Variants in GPR89B observed in about 807,000 individuals in gnomAD.
GPR89B encodes the protein golgi pH regulator B.
A neutral mutation model predicts 52.4 loss-of-function variants in GPR89B; 25 were observed. That is an observed-to-expected ratio of 0.48 (90% CI 0.35 to 0.67). The LOEUF (loss-of-function observed/expected upper bound fraction) is 0.67. GPR89B is among the 30% of genes least tolerant of loss of function. The pLI is 0.01. For synonymous variants in GPR89B, 52 were observed against 151.2 expected (o/e 0.34, Z 4.81); for missense variants, 146 against 450.2 (o/e 0.32, Z 6.11).
At position 147,936,264 on chromosome 1, in the gene GPR89B, G is replaced by A. The variant is rs183177771; in HGVS notation, c.43-363G>A. On this transcript the variant is annotated intron_variant, in intron 1 of 13. Transcript: ENST00000314163. ...TGGCTTCAGGTGATCTGCCCACCTT[G>A]TCCTCCCGAAGTGCTGGGATTACAA... is the stretch of plus-strand genomic sequence containing the variant. 1.4e-3 allele frequency among the ~76,000 whole-genome samples: 212 copies of A among 152,294 alleles called. 2 individuals are homozygous for A. In the Middle Eastern group the frequency reaches 0.037, roughly 27 times the overall value.
chr1:147,982,487 A>G (rs1658334806), intron 10 of GPR89B, among the ~76,000 whole-genome samples: 1 of 137,916 alleles, frequency 7.3e-6, no homozygotes, highest in African/African-American at 2.8e-5. Context: ...TAACTTTTTT[A>G]TACTGTTCCA....
At chr1:147,977,142 G>A (rs1387745699) in intron 10 of GPR89B, among the ~76,000 whole-genome samples, 1 of 147,266 alleles carries the variant, frequency 6.8e-6, no homozygotes, top group Non-Finnish European at 1.5e-5. Context: ...TCTGAGGCAG[G>A]AGAATGGCAT....
chr1:148,021,188 G>C, the GPR89B span, among the ~76,000 whole-genome samples: 1 of 151,378 alleles, frequency 6.6e-6, no homozygotes, highest in Non-Finnish European at 1.5e-5. Context: ...ACCACATCTC[G>C]CGATGGAGTG....
the GPR89B span, among the ~76,000 whole-genome samples, chr1:148,006,582 G>A: frequency 3.9e-5 from 6 of 152,092 alleles, no homozygotes; most frequent in African/African-American, 7.2e-5. Flanking sequence ...ACATACCTAC[G>A]ATAGAGTTTA....
chr1:147,931,234 GC>G (rs199796649), intron 1 of GPR89B, among the ~76,000 whole-genome samples: 2,969 of 151,968 alleles, frequency 0.02, 104 homozygotes, highest in African/African-American at 0.068. Context: ...TAACTGTCCT[GC>G]TGATGGCCAT....
At chr1:148,015,296 T>TCCCCCC in the GPR89B span, among the ~76,000 whole-genome samples, 1 of 79,968 alleles carries the variant, frequency 1.3e-5, no homozygotes, top group Non-Finnish European at 2.4e-5. Context: ...TTCTAGGATC[T>TCCCCCC]CTCTCTCTCT....
intron 7 of GPR89B, among the ~76,000 whole-genome samples, chr1:147,963,361 G>GCT (rs1656770367): frequency 6.7e-6 from 1 of 150,032 alleles, no homozygotes; most frequent in Admixed American, 6.6e-5. Context: ...GGGTGACAGA[G>GCT]CAAGACTCCT....
intron 7 of GPR89B, among the ~76,000 whole-genome samples, chr1:147,962,410 C>T (rs1480691664): frequency 6.8e-6 from 1 of 147,118 alleles, no homozygotes; most frequent in Non-Finnish European, 1.5e-5. Flanking sequence ...GGTGACAGAG[C>T]CAAACTCTGT....
intron 10 of GPR89B, among the ~76,000 whole-genome samples, chr1:147,985,475 GC>G (rs1658597914): frequency 6.7e-6 from 1 of 149,830 alleles, no homozygotes; most frequent in Non-Finnish European, 1.5e-5. Context: ...AGCCCACAGG[GC>G]AAACCTAACC....
chr1:147,981,330 TACAC>T (rs1164453500), intron 10 of GPR89B, among the ~76,000 whole-genome samples: 6 of 147,832 alleles, frequency 4.1e-5, no homozygotes, highest in Non-Finnish European at 3.0e-5. Context: ...CACACACACA[TACAC>T]ACACACACAC....
At chr1:148,024,247 G>A in the GPR89B span, among the ~76,000 whole-genome samples, 1 of 151,552 alleles carries the variant, frequency 6.6e-6, no homozygotes, top group African/African-American at 2.4e-5. Flanking sequence ...ATAGAGTTCA[G>A]CAAACTTTTT....
At chr1:147,995,925 GA>G, downstream of GPR89B, 2 of 1,410,916 alleles carry the variant, frequency 1.4e-6, no homozygotes, top group Non-Finnish European at 2.0e-6. Flanking sequence ...TTCAAACAGA[GA>G]AGGGGACATC....
At chr1:147,976,208 GTTAAT>G in intron 10 of GPR89B, among the ~76,000 whole-genome samples, 1 of 151,856 alleles carries the variant, frequency 6.6e-6, no homozygotes, top group East Asian at 1.9e-4. Context: ...AAATATACTT[GTTAAT>G]TTTCTGTCTC....
intron 1 of GPR89B, among the ~76,000 whole-genome samples, chr1:147,934,245 C>T (rs1653894764): frequency 6.6e-6 from 1 of 151,970 alleles, no homozygotes; most frequent in Admixed American, 6.6e-5. Context: ...GACATGCTCA[C>T]AGCTCACTAT....
chr1:148,004,948 G>A, the GPR89B span, among the ~76,000 whole-genome samples: 1 of 115,078 alleles, frequency 8.7e-6, no homozygotes, highest in Non-Finnish European at 1.9e-5. Context: ...AGGTGCGGTG[G>A]TGCACACCTG....
intron 7 of GPR89B, among the ~76,000 whole-genome samples, chr1:147,960,572 G>T (rs1656457739): frequency 6.6e-6 from 1 of 151,312 alleles, no homozygotes; most frequent in Non-Finnish European, 1.5e-5. Flanking sequence ...AAAAATTCAG[G>T]CTGGGCATGG....
At chr1:148,002,551 T>G in the GPR89B span, among the ~76,000 whole-genome samples, 4 of 152,164 alleles carry the variant, frequency 2.6e-5, no homozygotes, top group Non-Finnish European at 5.9e-5. Flanking sequence ...CTGTATCTTC[T>G]CCAAGCCCTC....
intron 1 of GPR89B, among the ~76,000 whole-genome samples, chr1:147,929,683 C>T (rs1253931239): frequency 6.6e-6 from 1 of 152,102 alleles, no homozygotes; most frequent in South Asian, 2.1e-4. Context: ...ATACTCGTCT[C>T]CGTAGAGCGG....
the GPR89B span, among the ~76,000 whole-genome samples, chr1:148,025,295 TAGC>T: frequency 8.6e-5 from 13 of 151,954 alleles, no homozygotes; most frequent in African/African-American, 3.1e-4. Flanking sequence ...TGAGCAATAA[TAGC>T]AGCCTTGCTA....
Sources: allele counts gnomAD v4.1 joint callset (sites outside exome capture counted in the v4.1 genomes callset), GRCh38; gene constraint gnomAD v4.1.1; transcripts MANE v1.5; gene names NCBI Gene and HGNC (gene_info 2026-07-23, HGNC 2026-07-21).